CACNA1C: variants seen among roughly 807,000 people sequenced by gnomAD.
CACNA1C encodes the protein voltage-dependent L-type calcium channel subunit alpha-1C.
A neutral mutation model predicts 229.0 loss-of-function variants in CACNA1C; 30 were observed. The ratio of observed to expected loss-of-function variants is 0.13; its 90% CI spans 0.10 to 0.18. CACNA1C has a LOEUF of 0.18. Among genes scored for constraint, CACNA1C ranks in the 10% least tolerant of loss-of-function variants. The pLI is 1.00. For synonymous variants in CACNA1C, 1,114 were observed against 1,132.5 expected (o/e 0.98, Z 0.33); for missense variants, 1,658 against 2,845.0 (o/e 0.58, Z 9.49).
intron 1 of CACNA1C, among the ~76,000 whole-genome samples, chr12:2,045,970 T>C (rs867451499): frequency 6.6e-6 from 1 of 151,536 alleles, no homozygotes; most frequent in South Asian, 2.1e-4. Flanking sequence ...TGCCAGAAGA[T>C]GAGGAGGCAA....
At chr12:2,308,982 C>T (rs1350293953) in intron 3 of CACNA1C, among the ~76,000 whole-genome samples, 1 of 152,170 alleles carries the variant, frequency 6.6e-6, no homozygotes, top group East Asian at 1.9e-4. Flanking sequence ...CCAGAAAGTC[C>T]ACTTCTGGGT....
intron 1 of CACNA1C, among the ~76,000 whole-genome samples, chr12:1,980,728 G>GA (rs199979972): frequency 7.1e-6 from 1 of 140,616 alleles, no homozygotes; most frequent in Non-Finnish European, 1.6e-5. Flanking sequence ...CTATAAAAAT[G>GA]AAAAAAAGTT....
intron 3 of CACNA1C, among the ~76,000 whole-genome samples, chr12:2,424,237 G>C (rs1023643416): frequency 1.3e-5 from 2 of 152,128 alleles, no homozygotes; most frequent in African/African-American, 4.8e-5. Context: ...AAATTCCTAC[G>C]TGACTCAGTG....
intron 3 of CACNA1C, among the ~76,000 whole-genome samples, chr12:2,362,730 A>G (rs1235975735): frequency 6.6e-6 from 1 of 152,162 alleles, no homozygotes; most frequent in Non-Finnish European, 1.5e-5. Context: ...GATCAGGCCT[A>G]CAGCCCTCTC....
At chr12:2,607,182 T>A (rs2075750823) in intron 26 of CACNA1C, 52 bp downstream of exon 26, 1 of 1,551,958 alleles carries the variant, frequency 6.4e-7, no homozygotes, top group African/African-American at 1.4e-5. Flanking sequence ...GGGCCAGTAC[T>A]GACTTTCCAG....
intron 1 of CACNA1C, among the ~76,000 whole-genome samples, chr12:2,063,319 T>C (rs1156776485): frequency 6.6e-6 from 1 of 152,114 alleles, no homozygotes; most frequent in Non-Finnish European, 1.5e-5. Flanking sequence ...GCCTGGCTTA[T>C]TTTTGTATTT....
chr12:2,340,168 C>T (rs1355351795), intron 3 of CACNA1C, among the ~76,000 whole-genome samples: 1 of 152,070 alleles, frequency 6.6e-6, no homozygotes, highest in Non-Finnish European at 1.5e-5. Flanking sequence ...CTTTATTCTT[C>T]TATATACAAC....
At position 2,019,570 on chromosome 12, in the gene CACNA1C, G is replaced by GA. The variant is rs1441552589; in HGVS notation, c.139+48373dup. Among the ~76,000 whole-genome samples the GA allele has an allele frequency of 4.0e-5, 5 of 125,534 alleles. No individual in the cohort carries two copies. The East Asian group carries it at 7.0e-4, about 18-fold the overall frequency. 82.4% of individuals were successfully genotyped at this position (125,534 alleles called of 152,430 possible). A position where few individuals can be genotyped will look rare whatever the true frequency, so the allele number is the denominator to read the frequency against. On this transcript the variant is annotated intron_variant, in intron 1 of 46. Transcript: ENST00000682462. The stretch of plus-strand genomic sequence containing the variant: ...GGAAAGAAGGAAGGAAGGAAGGAAA[G>GA]AAAAGAAAGAGAGAGAGAAAGAAAG...
In CACNA1C at chr12:2,665,091, C is replaced by A; in HGVS notation, c.4398+101C>A. 2 of 1,275,086 alleles carry A rather than the reference C, an allele frequency of 1.6e-6. No homozygotes were observed. Among genetic ancestry groups the A allele is most frequent in the South Asian group, 1.3e-5 (1 of 77,812 alleles). The allele number at this position is 1,275,086 out of a possible 1,614,324, so 79.0% of individuals were successfully genotyped here. On this transcript the variant is annotated intron_variant, in intron 35 of 46. Coordinates refer to ENST00000399655, the MANE Select transcript of CACNA1C (RefSeq NM_000719.7). The surrounding 1 kb of genome is among the most constrained non-coding windows in gnomAD (Gnocchi z 5.9). ...CAGCTCATGGTCAGGGCAACCCTAT[C>A]AGAGGAGCTGGCTTGGGAAGACTAA...
intron 3 of CACNA1C, among the ~76,000 whole-genome samples, chr12:2,322,357 C>A (rs916457720): frequency 1.3e-5 from 2 of 152,184 alleles, no homozygotes; most frequent in African/African-American, 2.4e-5. Flanking sequence ...CTGGGAGGGC[C>A]CGAGGGCCTG....
chr12:2,143,557 CT>C (rs2094456081), intron 3 of CACNA1C, among the ~76,000 whole-genome samples: 1 of 151,284 alleles, frequency 6.6e-6, no homozygotes, highest in Non-Finnish European at 1.5e-5. Flanking sequence ...TCAGTACAGT[CT>C]CAGGCACGGT....
chr12:2,598,482 C>G (rs993156864), intron 21 of CACNA1C, among the ~76,000 whole-genome samples: 2 of 152,208 alleles, frequency 1.3e-5, no homozygotes, highest in African/African-American at 2.4e-5. Flanking sequence ...CCTCTCTGAG[C>G]AAGGGGGTAG....
At chr12:2,499,946 C>A (rs562421889) in intron 7 of CACNA1C, among the ~76,000 whole-genome samples, 3 of 152,166 alleles carry the variant, frequency 2.0e-5, no homozygotes, top group Non-Finnish European at 4.4e-5. Context: ...AGCTGTCCCC[C>A]CAAAGTAGGT....
At chr12:2,229,035 G>A (rs953512997) in intron 3 of CACNA1C, among the ~76,000 whole-genome samples, 1 of 152,146 alleles carries the variant, frequency 6.6e-6, no homozygotes, top group African/African-American at 2.4e-5. Flanking sequence ...GCAGATGTAT[G>A]GGCCCATTAC....
At chr12:2,424,856 G>T (rs1453081252) in intron 3 of CACNA1C, among the ~76,000 whole-genome samples, 1 of 152,250 alleles carries the variant, frequency 6.6e-6, no homozygotes, top group African/African-American at 2.4e-5. Flanking sequence ...AGCGGGGAGG[G>T]TCCTAACACC....
At chr12:2,487,622 G>GTT in intron 6 of CACNA1C, among the ~76,000 whole-genome samples, 1 of 151,652 alleles carries the variant, frequency 6.6e-6, no homozygotes, top group East Asian at 1.9e-4. Flanking sequence ...ACAGGAGACT[G>GTT]TTTTTTCACT....
chr12:2,679,512 G>T lies in CACNA1C; in HGVS notation c.5160G>T (p.Gln1720His), dbSNP rs750668170. 4 of 1,611,410 alleles carry T rather than the reference G, an allele frequency of 2.5e-6. No homozygotes were observed. In the South Asian group the frequency reaches 4.4e-5, roughly 18 times the overall value. The change falls in exon 42 of 47, where the codon CAG becomes CAT. Residue 1720 changes from glutamine to histidine, a missense_variant. Gln to His is a conservative substitution (Grantham distance 24, BLOSUM62 0). Coordinates refer to ENST00000399655, the MANE Select transcript of CACNA1C (RefSeq NM_000719.7). This position sits in a 1 kb window ranked among gnomAD's most constrained non-coding sequence, Gnocchi z 5.5. ...YQSDGRSAFP[Q>H]TFTTQRPLHI... ...GCGACGGCCGGAGCGCCTTCCCCCA[G>T]ACCTTCACCACTCAGCGCCCGCTGC...
At chr12:2,097,403 C>T (rs1214180178) in intron 1 of CACNA1C, among the ~76,000 whole-genome samples, 1 of 152,254 alleles carries the variant, frequency 6.6e-6, no homozygotes, top group Non-Finnish European at 1.5e-5. Context: ...GCCTCGACCT[C>T]CCAAAGTGCT....
chr12:2,192,802 T>C (rs1476975696), intron 3 of CACNA1C, among the ~76,000 whole-genome samples: 2 of 151,644 alleles, frequency 1.3e-5, no homozygotes, highest in Non-Finnish European at 2.9e-5. Context: ...TTGGCGGTGC[T>C]GTGATACGTG....
Sources: gnomAD v4.1 joint callset for allele counts (sites outside exome capture counted in the v4.1 genomes callset) on GRCh38, gnomAD v4.1.1 for gene constraint, Gnocchi (gnomAD v3.1) non-coding constraint, MANE v1.5 for transcripts, NCBI Gene and HGNC (gene_info 2026-07-23, HGNC 2026-07-21) for gene names.